Variants in PITPNC1 observed in about 807,000 individuals in gnomAD.
The protein encoded by PITPNC1 is cytoplasmic phosphatidylinositol transfer protein 1.
In PITPNC1, 18 loss-of-function variants were observed where a neutral mutation model predicts 44.7. The observed-to-expected ratio is 0.40, with a 90% confidence interval of 0.28 to 0.60. The LOEUF (loss-of-function observed/expected upper bound fraction) is 0.60, where lower values mean the gene tolerates loss of function less well. Ranked by LOEUF, PITPNC1 falls within the 20% of genes least tolerant of loss-of-function variation. The pLI is 0.39. For synonymous variants in PITPNC1, 141 were observed against 149.6 expected (o/e 0.94, Z 0.42); for missense variants, 290 against 418.4 (o/e 0.69, Z 2.68).
At position 67,566,125 on chromosome 17, in the gene PITPNC1, A is replaced by G. The variant is rs116484929; in HGVS notation, c.295-12061A>G. On this transcript the variant is annotated intron_variant, in intron 4 of 8. Coordinates refer to ENST00000581322, the MANE Select transcript of PITPNC1 (RefSeq NM_012417.4). ...CAAGTTTTTTTATAGGACCAACAATACAGTTAATGAACATGTGTTTTTTTG... is the reference window on the plus strand; with the variant it reads ...CAAGTTTTTTTATAGGACCAACAATGCAGTTAATGAACATGTGTTTTTTTG... 6.4e-3 allele frequency among the ~76,000 whole-genome samples: 977 copies of G among 152,188 alleles called. 12 individuals are homozygous for G. Among genetic ancestry groups the G allele is most frequent in the African/African-American group, 0.023 (942 of 41,518 alleles).
At chr17:67,541,822 A>G (rs1271684601) in intron 2 of PITPNC1, among the ~76,000 whole-genome samples, 1 of 152,214 alleles carries the variant, frequency 6.6e-6, no homozygotes, top group Non-Finnish European at 1.5e-5. Flanking sequence ...CTCACTTAGC[A>G]GGACCAATGG....
At chr17:67,566,267 G>A (rs1287027106) in intron 4 of PITPNC1, among the ~76,000 whole-genome samples, 3 of 152,066 alleles carry the variant, frequency 2.0e-5, no homozygotes, top group Non-Finnish European at 4.4e-5. Flanking sequence ...GCAGTGGCGC[G>A]ATCTTGGCTC....
chr17:67,523,179 G>C lies in PITPNC1; in HGVS notation c.49-9623G>C, dbSNP rs1433956161. ...CGAACTTGACACTTCTAGCTGCCTCGTCTAAGTGGAAATTCTCAAGCTTTT... is the reference window on the plus strand; with the variant it reads ...CGAACTTGACACTTCTAGCTGCCTCCTCTAAGTGGAAATTCTCAAGCTTTT... On this transcript the variant is annotated intron_variant, in intron 1 of 8. Transcript: ENST00000581322. Among the ~76,000 whole-genome samples the C allele has an allele frequency of 3.3e-5, 5 of 152,250 alleles. No individual in the cohort carries two copies. In the South Asian group the frequency reaches 1.0e-3, roughly 32 times the overall value.
intron 1 of PITPNC1, among the ~76,000 whole-genome samples, chr17:67,528,442 A>C (rs2040418357): frequency 6.6e-6 from 1 of 152,246 alleles, no homozygotes; most frequent in Admixed American, 6.5e-5. Context: ...TATCATCATC[A>C]TCAATTCTAC....
chr17:67,582,148 T>G (rs929692218), intron 5 of PITPNC1, among the ~76,000 whole-genome samples: 1 of 152,238 alleles, frequency 6.6e-6, no homozygotes, highest in African/African-American at 2.4e-5. Flanking sequence ...CTTTAATTAC[T>G]AAACGCTAGC....
At position 67,676,023 on chromosome 17, in the gene PITPNC1, G is replaced by A. The variant is rs553563589; in HGVS notation, c.682+481G>A. ...AGATCGAGACCATCCTGGCTAACAC[G>A]GTGAAACCCCGTCTCTACTAAATAA... On this transcript the variant is annotated intron_variant, in intron 8 of 8. Transcript: ENST00000581322. This position sits in a 1 kb window ranked among gnomAD's most constrained non-coding sequence, Gnocchi z 4.0. Among the ~76,000 whole-genome samples, 2 of 152,176 alleles carry A rather than the reference G, an allele frequency of 1.3e-5. No homozygotes were observed. The highest frequency in any genetic ancestry group is 2.1e-4 in the South Asian group (1 of 4,820).
chr17:67,467,428 G>A (rs1372399271), intron 1 of PITPNC1, among the ~76,000 whole-genome samples: 6 of 152,130 alleles, frequency 3.9e-5, no homozygotes, highest in Admixed American at 3.9e-4. Flanking sequence ...ACCAGTGAGA[G>A]AAGTTTCATT....
intron 6 of PITPNC1, among the ~76,000 whole-genome samples, chr17:67,649,702 G>C (rs2042188419): frequency 6.6e-6 from 1 of 152,082 alleles, no homozygotes. Flanking sequence ...CTGGCCAACA[G>C]AGTGAGACTC....
chr17:67,685,853 CAG>C (rs1234010729), intron 8 of PITPNC1, among the ~76,000 whole-genome samples: 1 of 151,798 alleles, frequency 6.6e-6, no homozygotes, highest in African/African-American at 2.4e-5. Flanking sequence ...TTTTTTGAGA[CAG>C]GGTCTCACTC....
intron 5 of PITPNC1, among the ~76,000 whole-genome samples, chr17:67,585,410 G>A (rs1438132026): frequency 1.3e-5 from 2 of 152,124 alleles, no homozygotes; most frequent in African/African-American, 2.4e-5. Flanking sequence ...CATGGAGACA[G>A]GACCTTTAAA....
At chr17:67,541,468 T>TAG (rs1555664278) in intron 2 of PITPNC1, among the ~76,000 whole-genome samples, 2 of 149,600 alleles carry the variant, frequency 1.3e-5, no homozygotes, top group South Asian at 2.1e-4. Flanking sequence ...CAATTATACA[T>TAG]ACACACACAC....
At chr17:67,542,020 T>C (rs182745673) in intron 2 of PITPNC1, among the ~76,000 whole-genome samples, 62 of 152,284 alleles carry the variant, frequency 4.1e-4, no homozygotes, top group African/African-American at 1.5e-3. Flanking sequence ...TAATAGGCGG[T>C]TGAACATATT....
At chr17:67,422,540 A>T (rs2038685522) in intron 1 of PITPNC1, among the ~76,000 whole-genome samples, 1 of 151,878 alleles carries the variant, frequency 6.6e-6, no homozygotes, top group African/African-American at 2.4e-5. Context: ...TAGCTTGCTC[A>T]CTGTCTTTCT....
At chr17:67,431,210 C>G (rs938562357) in intron 1 of PITPNC1, among the ~76,000 whole-genome samples, 2 of 151,900 alleles carry the variant, frequency 1.3e-5, no homozygotes, top group Non-Finnish European at 2.9e-5. Flanking sequence ...AGGCGCCCAC[C>G]ACCACACCCA....
chr17:67,428,003 G>T (rs2038797462), intron 1 of PITPNC1, among the ~76,000 whole-genome samples: 2 of 152,062 alleles, frequency 1.3e-5, no homozygotes, highest in African/African-American at 4.8e-5. Context: ...ATTTTTTACA[G>T]ATGGGGTTCT....
chr17:67,530,240 G>T (rs113374034), intron 1 of PITPNC1, among the ~76,000 whole-genome samples: 2 of 151,760 alleles, frequency 1.3e-5, no homozygotes, highest in African/African-American at 4.8e-5. Flanking sequence ...ACAGGCACCC[G>T]CCACCACACC....
chr17:67,443,496 A>G (rs1261317501), intron 1 of PITPNC1, among the ~76,000 whole-genome samples: 2 of 151,842 alleles, frequency 1.3e-5, no homozygotes, highest in Non-Finnish European at 2.9e-5. Flanking sequence ...CAGCTCCTTG[A>G]GGCGAGCAAC....
At chr17:67,627,279 C>G (rs1001256421) in intron 5 of PITPNC1, among the ~76,000 whole-genome samples, 2 of 152,152 alleles carry the variant, frequency 1.3e-5, no homozygotes, top group African/African-American at 4.8e-5. Flanking sequence ...TAAAACTCAT[C>G]ATCTCAAGCC....
At chr17:67,549,700 G>A (rs1470586328) in intron 2 of PITPNC1, among the ~76,000 whole-genome samples, 7 of 152,116 alleles carry the variant, frequency 4.6e-5, no homozygotes, top group African/African-American at 7.2e-5. Context: ...CTTGGGCCCC[G>A]GACTACTACT....
Sources: allele counts gnomAD v4.1 joint callset (sites outside exome capture counted in the v4.1 genomes callset), GRCh38; gene constraint gnomAD v4.1.1; non-coding constraint Gnocchi (gnomAD v3.1); transcripts MANE v1.5; gene names NCBI Gene and HGNC (gene_info 2026-07-23, HGNC 2026-07-21).